The following ABI3 variants were observed in gnomAD, a reference collection of about 807,000 sequenced individuals.
ABI3 encodes the protein ABI gene family member 3.
In ABI3, 24 loss-of-function variants were observed where a neutral mutation model predicts 37.0. The ratio of observed to expected loss-of-function variants is 0.65; its 90% CI spans 0.47 to 0.91. ABI3 has a LOEUF of 0.91. ABI3 is among the 40% of genes least tolerant of loss of function. ABI3 has a pLI of 0.00. For synonymous variants in ABI3, 220 were observed against 211.8 expected (o/e 1.04, Z -0.34); for missense variants, 481 against 485.1 (o/e 0.99, Z 0.08).
chr17:49,218,747 G>T (rs1485492132), intron 3 of ABI3, among the ~76,000 whole-genome samples: 1 of 150,438 alleles, frequency 6.6e-6, no homozygotes, highest in African/African-American at 2.5e-5. Flanking sequence ...GGGATTACAG[G>T]CGCCCGCCAC....
chr17:49,213,306 A>T (rs2043187540), intron 1 of ABI3, among the ~76,000 whole-genome samples: 1 of 152,214 alleles, frequency 6.6e-6, no homozygotes, highest in Non-Finnish European at 1.5e-5. Context: ...CCAAGTTGGA[A>T]TCCTTGGACT....
Position 49,210,903 on chromosome 17 carries a change from C to A in ABI3, c.117+62C>A. 1 of 1,391,518 alleles carries A rather than the reference C, an allele frequency of 7.2e-7. No individual in the cohort carries two copies. Among genetic ancestry groups the A allele is most frequent in the Non-Finnish European group, 9.8e-7 (1 of 1,015,268 alleles). The allele number at this position is 1,391,518 out of a possible 1,614,324, so 86.2% of individuals were successfully genotyped here. The stretch of plus-strand genomic sequence containing the variant: ...CCGGAGGGGGGACCCTGAGCCCTGC[C>A]CCAAGTGGGGCCCTGGGACCCATCC... On this transcript the variant is annotated intron_variant, in intron 1 of 7. Coordinates refer to ENST00000225941, the MANE Select transcript of ABI3 (RefSeq NM_016428.3). The surrounding 1 kb of genome is among the most constrained non-coding windows in gnomAD (Gnocchi z 4.2).
intron 6 of ABI3, 108 bp from the exon 7 acceptor site, chr17:49,221,983 T>C: frequency 1.4e-6 from 2 of 1,399,178 alleles, no homozygotes. Context: ...CCTCCCAACG[T>C]GCCTCGCTGA....
chr17:49,217,595 G>C (rs944747933), intron 2 of ABI3, 144 bp from the exon 3 acceptor site: 13 of 662,668 alleles, frequency 2.0e-5, no homozygotes, highest in Middle Eastern at 4.1e-4. Flanking sequence ...GCCTGGTGGG[G>C]GGCGGGGGGC....
At chr17:49,222,319 C>A (rs369425276) in intron 7 of ABI3, 94 bp downstream of exon 7, 2 of 1,486,424 alleles carry the variant, frequency 1.3e-6, no homozygotes, top group East Asian at 2.3e-5. Context: ...TGAATCTATC[C>A]CCCGGGCCCC....
chr17:49,220,749 C>T (rs1339857914), intron 6 of ABI3, among the ~76,000 whole-genome samples: 2 of 151,676 alleles, frequency 1.3e-5, no homozygotes, highest in Non-Finnish European at 2.9e-5. Flanking sequence ...GAGGCTGAGG[C>T]AGGAGAATCG....
intron 2 of ABI3, 39 bp downstream of exon 2, chr17:49,216,737 G>C (rs1190056729): frequency 1.4e-6 from 2 of 1,422,660 alleles, no homozygotes; most frequent in Non-Finnish European, 9.2e-7. Flanking sequence ...CTTGTGTCAG[G>C]CCTCAACTCT....
At chr17:49,211,146 A>G (rs1036137036) in intron 1 of ABI3, among the ~76,000 whole-genome samples, 9 of 152,194 alleles carry the variant, frequency 5.9e-5, no homozygotes, top group African/African-American at 2.2e-4. Context: ...CCCACGGGTC[A>G]ATCCAGAGAC....
At chr17:49,222,329 C>T in intron 7 of ABI3, 104 bp downstream of exon 7, 1 of 1,473,078 alleles carries the variant, frequency 6.8e-7, no homozygotes, top group Non-Finnish European at 9.0e-7. Flanking sequence ...CCCCGGGCCC[C>T]CCACACAATT....
At position 49,220,310 on chromosome 17, in the gene ABI3, G is replaced by C. The variant is rs763471257; in HGVS notation, c.786G>C (p.Leu262Phe). ...AGCGGCCTCCCACGCTGGAGGAGTT[G>C]TCCCCACCCCCACCGGGTAAGGAGG... is the stretch of plus-strand genomic sequence containing the variant. ...VFQRPPTLEE[L>F]SPPPPDEELP... Residue 262 changes from leucine (L) to phenylalanine (F), a missense_variant, in exon 6 of 8, where the codon TTG becomes TTC. Physicochemically the swap from Leu to Phe is conservative, Grantham distance 22. Coordinates refer to ENST00000225941, the MANE Select transcript of ABI3 (RefSeq NM_016428.3). 16 of 1,592,274 alleles carry C rather than the reference G, an allele frequency of 1.0e-5. No individual in the cohort carries two copies. Among genetic ancestry groups the C allele is most frequent in the Non-Finnish European group, 1.4e-5 (16 of 1,169,846 alleles).
chr17:49,219,820 C>T lies in ABI3; in HGVS notation c.549-38C>T. On this transcript the variant is annotated intron_variant, in intron 4 of 7. Coordinates refer to ENST00000225941, the MANE Select transcript of ABI3 (RefSeq NM_016428.3). The surrounding 1 kb of genome is among the most constrained non-coding windows in gnomAD (Gnocchi z 4.3). Reference sequence around the variant, plus strand: ...CGACCCCTGCTGGCCAGAAGCCTTCCTCCTTCCTCCTAATACCCACTCCCT... The same window carrying T: ...CGACCCCTGCTGGCCAGAAGCCTTCTTCCTTCCTCCTAATACCCACTCCCT... 1 of 1,530,848 alleles carries T rather than the reference C, an allele frequency of 6.5e-7. No homozygotes were observed. The highest frequency in any genetic ancestry group is 8.8e-7 in the Non-Finnish European group (1 of 1,140,012). The allele number at this position is 1,530,848 out of a possible 1,614,324, so 94.8% of individuals were successfully genotyped here.
intron 2 of ABI3, 122 bp downstream of exon 2, chr17:49,216,820 A>G: frequency 8.3e-7 from 1 of 1,203,788 alleles, no homozygotes; most frequent in Non-Finnish European, 1.1e-6. Context: ...GCCCAACTCT[A>G]CAGCAGAAGG....
chr17:49,219,557 G>T lies in ABI3; in HGVS notation c.480G>T (p.Leu160=), dbSNP rs1208193700. ...GHGIKDLSTQ[L]SRTGTLSRKS... ...CCTCGCAGGACCTCAGCACGCAGCT[G>T]TCAAGAACAGGCACCCTGTCTCGAA... Residue 160 remains leucine (L), a synonymous_variant, in exon 4 of 8, where the codon CTG becomes CTT. Coordinates refer to ENST00000225941, the MANE Select transcript of ABI3 (RefSeq NM_016428.3). The surrounding 1 kb of genome is among the most constrained non-coding windows in gnomAD (Gnocchi z 4.3). 2 of 1,604,924 alleles carry T rather than the reference G, an allele frequency of 1.2e-6. No individual in the cohort carries two copies. The highest frequency in any genetic ancestry group is 2.2e-5 in the East Asian group (1 of 44,464).
At position 49,217,846 on chromosome 17, in the gene ABI3, C is replaced by A; in HGVS notation, c.393C>A (p.Pro131=). ...GQKVIAPENL[P]PLTPYCRRPL... ...AGGTCATCGCCCCAGAGAACCTACC[C>A]CCTCTCACGCCCTACTGCAGGAGAC... Residue 131 remains proline, a synonymous_variant, in exon 3 of 8, where the codon CCC becomes CCA. Transcript: ENST00000225941. The A allele has an allele frequency of 1.2e-6, 2 of 1,606,140 alleles. No individual in the cohort carries two copies. The highest frequency in any genetic ancestry group is 1.7e-6 in the Non-Finnish European group (2 of 1,176,630).
chr17:49,222,514 G>T, intron 7 of ABI3, 38 bp from the exon 8 acceptor site: 1 of 1,607,534 alleles, frequency 6.2e-7, no homozygotes. Flanking sequence ...GAGGGCAAGA[G>T]GCATTATCTC....
In ABI3 at chr17:49,222,532, C is replaced by T. The variant is rs2043303277; in HGVS notation, c.938-20C>T. On this transcript the variant is annotated intron_variant, in intron 7 of 7. Transcript: ENST00000225941. ...GGCAAGAGGCATTATCTCACGGCAC[C>T]CTCTTCTCTTGCCCTGCAGTGGTGA... The T allele has an allele frequency of 6.2e-7, 1 of 1,611,736 alleles. No homozygotes were observed. Among genetic ancestry groups the T allele is most frequent in the Non-Finnish European group, 8.5e-7 (1 of 1,178,734 alleles).
chr17:49,217,742 G>C lies in ABI3; in HGVS notation c.289G>C (p.Val97Leu). The C allele has an allele frequency of 6.2e-7, 1 of 1,605,872 alleles. No homozygotes were observed. The highest frequency in any genetic ancestry group is 1.3e-5 in the African/African-American group (1 of 74,590). Reference protein sequence around the residue: ...EARVSTLGQMVNMHMEKVARR... With the variant: ...EARVSTLGQMLNMHMEKVARR... Reference sequence around the variant, plus strand: ...CACCTTGAACCCTGTCATGCAGATGGTGAACATGCATATGGAGAAGGTGGC... The same window carrying C: ...CACCTTGAACCCTGTCATGCAGATGCTGAACATGCATATGGAGAAGGTGGC... The change falls in exon 3 of 8, where the codon GTG (valine) becomes CTG (leucine). Residue 97 changes from valine (V) to leucine (L), a missense_variant. Coordinates refer to ENST00000225941, the MANE Select transcript of ABI3 (RefSeq NM_016428.3).
intron 6 of ABI3, among the ~76,000 whole-genome samples, chr17:49,220,618 G>A (rs927924202): frequency 6.6e-6 from 1 of 152,172 alleles, no homozygotes; most frequent in Non-Finnish European, 1.5e-5. Flanking sequence ...GCCGAGGCGC[G>A]CGGATCACCT....
At chr17:49,220,088 G>A in intron 5 of ABI3, 81 bp from the exon 6 acceptor site, 1 of 1,596,528 alleles carries the variant, frequency 6.3e-7, no homozygotes, top group Non-Finnish European at 8.5e-7. Flanking sequence ...CAGGGCTGGG[G>A]TCAGGATTGG....
Sources: allele counts gnomAD v4.1 joint callset (sites outside exome capture counted in the v4.1 genomes callset), GRCh38; gene constraint gnomAD v4.1.1; non-coding constraint Gnocchi (gnomAD v3.1); transcripts MANE v1.5; gene names NCBI Gene and HGNC (gene_info 2026-07-23, HGNC 2026-07-21).